The following PPFIA1 variants were observed in gnomAD, a reference collection of about 807,000 sequenced individuals.
The protein encoded by PPFIA1 is PPFI scaffold protein A1, also known as liprin-alpha-1.
In PPFIA1, 25 loss-of-function variants were observed where a neutral mutation model predicts 149.9. The observed-to-expected ratio is 0.17, with a 90% confidence interval of 0.12 to 0.23. The LOEUF (loss-of-function observed/expected upper bound fraction) is 0.23. PPFIA1 is among the 10% of genes least tolerant of loss of function. The pLI, the probability that PPFIA1 is intolerant of heterozygous loss-of-function variation, is 1.00. For synonymous variants in PPFIA1, 549 were observed against 552.8 expected, an observed-to-expected ratio of 0.99 and a Z score of 0.10; for missense variants, 1,362 against 1,506.5, an observed-to-expected ratio of 0.90 and a Z score of 1.59.
chr11:70,339,511 G>A (rs1428735740), intron 14 of PPFIA1, among the ~76,000 whole-genome samples: 1 of 151,908 alleles, frequency 6.6e-6, no homozygotes, highest in Non-Finnish European at 1.5e-5. Flanking sequence ...TTTTAAAGAG[G>A]TAGGGTCTGT....
chr11:70,299,248 G>T (rs1444243243), intron 2 of PPFIA1, among the ~76,000 whole-genome samples: 2 of 151,748 alleles, frequency 1.3e-5, no homozygotes, highest in African/African-American at 2.4e-5. Flanking sequence ...CAAAAGAAAA[G>T]AAAGAAACAG....
chr11:70,372,328 G>T lies in PPFIA1; in HGVS notation c.2979G>T (p.Met993Ile), dbSNP rs2057305529. 1 of 1,614,110 alleles carries T rather than the reference G, an allele frequency of 6.2e-7. No individual in the cohort carries two copies. Among genetic ancestry groups the T allele is most frequent in the Admixed American group, 1.7e-5 (1 of 60,012 alleles). ...TGGAGTGCCTTGTAGACGCCAGGATGCTGGACCACTTGACCAAGAAAGACC... is the reference window on the plus strand; with the variant it reads ...TGGAGTGCCTTGTAGACGCCAGGATTCTGGACCACTTGACCAAGAAAGACC... Reference protein sequence around the residue: ...YFMECLVDARMLDHLTKKDLR... With the variant: ...YFMECLVDARILDHLTKKDLR... The change falls in exon 22 of 28, where the codon ATG becomes ATT. Residue 993 changes from methionine to isoleucine, a missense_variant. Around this residue, in one of 7 missense-constraint regions of PPFIA1, gnomAD observed 349 missense variants for 373.3 expected, o/e 0.93. Transcript: ENST00000253925.
intron 19 of PPFIA1, among the ~76,000 whole-genome samples, chr11:70,358,030 G>A (rs1243725022): frequency 1.3e-5 from 2 of 152,166 alleles, no homozygotes; most frequent in Admixed American, 6.5e-5. Flanking sequence ...ATGATAGTAA[G>A]TATGAGGAAG....
At chr11:70,299,944 A>G (rs1478542926) in intron 2 of PPFIA1, among the ~76,000 whole-genome samples, 1 of 152,186 alleles carries the variant, frequency 6.6e-6, no homozygotes, top group Non-Finnish European at 1.5e-5. Flanking sequence ...GTCTAGGCGC[A>G]GGAACAGAAT....
At chr11:70,342,711 C>CT (rs1436046922) in intron 14 of PPFIA1, among the ~76,000 whole-genome samples, 1 of 151,980 alleles carries the variant, frequency 6.6e-6, no homozygotes. Flanking sequence ...GGATTTAAAT[C>CT]TTTTTTATTT....
intron 14 of PPFIA1, among the ~76,000 whole-genome samples, chr11:70,341,293 G>A (rs1197286784): frequency 2.0e-5 from 3 of 150,632 alleles, no homozygotes; most frequent in Non-Finnish European, 2.9e-5. Context: ...GGTGACGTCT[G>A]AGCAGGGGCG....
At chr11:70,335,107 C>T (rs2054889936) in intron 10 of PPFIA1, among the ~76,000 whole-genome samples, 1 of 152,120 alleles carries the variant, frequency 6.6e-6, no homozygotes, top group East Asian at 1.9e-4. Flanking sequence ...ATATGAAGGT[C>T]TCTCTAGCAC....
intron 2 of PPFIA1, among the ~76,000 whole-genome samples, chr11:70,292,586 G>A (rs989282699): frequency 2.0e-5 from 3 of 152,184 alleles, no homozygotes; most frequent in Admixed American, 6.5e-5. Flanking sequence ...GTAAGGTACC[G>A]TCCAGGGGCT....
At chr11:70,304,902 G>A (rs960081639) in intron 2 of PPFIA1, among the ~76,000 whole-genome samples, 2 of 152,286 alleles carry the variant, frequency 1.3e-5, no homozygotes, top group South Asian at 2.1e-4. Flanking sequence ...TTTTACTAGA[G>A]AAGTGGGGAT....
chr11:70,301,363 C>A (rs932733540), intron 2 of PPFIA1, among the ~76,000 whole-genome samples: 12 of 152,292 alleles, frequency 7.9e-5, no homozygotes, highest in Non-Finnish European at 1.6e-4. Flanking sequence ...TTGGTCCTCA[C>A]CATGGTATCT....
At chr11:70,369,875 C>T (rs2057138429) in intron 21 of PPFIA1, among the ~76,000 whole-genome samples, 1 of 151,682 alleles carries the variant, frequency 6.6e-6, no homozygotes, top group African/African-American at 2.4e-5. Flanking sequence ...GGACTCAAGC[C>T]ATCCTCCTGC....
chr11:70,272,356 G>T lies in PPFIA1; in HGVS notation c.184G>T (p.Ala62Ser). 2 of 1,614,180 alleles carry T rather than the reference G, an allele frequency of 1.2e-6. No individual in the cohort carries two copies. Among genetic ancestry groups the T allele is most frequent in the Non-Finnish European group, 1.7e-6 (2 of 1,180,020 alleles). ...DTLRETQETL[A>S]LTQGKLHEVG... is the part of the protein sequence containing the mutation. ...ACTGAGAGAGACTCAAGAAACGCTG[G>T]CCTTAACCCAGGGGAAGTTACACGA... The change falls in exon 2 of 28, where the codon GCC (alanine) becomes TCC (serine). Residue 62 changes from alanine to serine, a missense_variant. Physicochemically the swap from Ala to Ser is moderately conservative, Grantham distance 99 (BLOSUM62 1). Around this residue, in one of 7 missense-constraint regions of PPFIA1, gnomAD observed 100 missense variants for 106.2 expected, o/e 0.94. Transcript: ENST00000253925.
chr11:70,284,183 G>T, intron 2 of PPFIA1: 1 of 412,478 alleles, frequency 2.4e-6, no homozygotes, highest in Non-Finnish European at 4.8e-6. Context: ...TCTTCCCTGA[G>T]AATAAATACT....
intron 9 of PPFIA1, 47 bp downstream of exon 9, chr11:70,332,141 G>A: frequency 6.5e-7 from 1 of 1,526,970 alleles, no homozygotes; most frequent in Non-Finnish European, 8.8e-7. Context: ...GCCTGTGACT[G>A]TGCCTTGCCT....
At chr11:70,314,467 C>CT (rs2053474187) in intron 2 of PPFIA1, among the ~76,000 whole-genome samples, 1 of 152,082 alleles carries the variant, frequency 6.6e-6, no homozygotes, top group Admixed American at 6.6e-5. Context: ...GAGGACTGAT[C>CT]TTTTTTGTTT....
intron 12 of PPFIA1, 129 bp from the exon 13 acceptor site, chr11:70,338,245 A>G (rs1238598708): frequency 4.2e-6 from 3 of 716,880 alleles, no homozygotes; most frequent in Non-Finnish European, 4.7e-6. Context: ...CCCAGAATTA[A>G]AATGTTTGGT....
At chr11:70,337,223 G>T (rs2055034763) in intron 11 of PPFIA1, 142 bp from the exon 12 acceptor site, 3 of 529,818 alleles carry the variant, frequency 5.7e-6, no homozygotes, top group Non-Finnish European at 3.3e-6. Context: ...GTCTAACCCT[G>T]GGACTACAGC....
intron 2 of PPFIA1, among the ~76,000 whole-genome samples, chr11:70,296,898 T>G (rs968441970): frequency 6.6e-6 from 1 of 152,174 alleles, no homozygotes; most frequent in Non-Finnish European, 1.5e-5. Flanking sequence ...GCTGTCCCCT[T>G]AGCTCTCCGC....
At chr11:70,280,251 A>T (rs1565335703) in intron 2 of PPFIA1, among the ~76,000 whole-genome samples, 1 of 149,540 alleles carries the variant, frequency 6.7e-6, no homozygotes, top group Non-Finnish European at 1.5e-5. Flanking sequence ...TATATATATA[A>T]ATATATATGT....
Sources: gnomAD v4.1 joint callset for allele counts (sites outside exome capture counted in the v4.1 genomes callset) on GRCh38, gnomAD v4.1.1 for gene constraint, gnomAD v4.1.1 regional missense constraint, MANE v1.5 for transcripts, NCBI Gene and HGNC (gene_info 2026-07-23, HGNC 2026-07-21) for gene names.